Variants in PCDH15 observed in about 807,000 individuals in gnomAD.
PCDH15 encodes protocadherin related 15.
PCDH15 carries 129 observed loss-of-function variants against 178.5 expected under a neutral mutation model. The ratio of observed to expected loss-of-function variants is 0.72; its 90% CI spans 0.63 to 0.84. The LOEUF is 0.84. Among genes scored for constraint, PCDH15 ranks in the 40% least tolerant of loss-of-function variants. The pLI, the probability that PCDH15 is intolerant of heterozygous loss-of-function variation, is 0.00. For missense variants in PCDH15, 2,230 were observed against 2,099.9 expected, an observed-to-expected ratio of 1.06 and a Z score of -1.21; for synonymous variants, 800 against 732.0, an observed-to-expected ratio of 1.09 and a Z score of -1.50.
chr10:54,336,169 G>A (rs1005087107), intron 6 of PCDH15, among the ~76,000 whole-genome samples: 2 of 152,124 alleles, frequency 1.3e-5, no homozygotes, highest in African/African-American at 4.8e-5. Flanking sequence ...TGACTTCAGT[G>A]CCATTAAAAG....
chr10:54,691,591 T>C (rs2095120919), intron 1 of PCDH15, among the ~76,000 whole-genome samples: 1 of 151,288 alleles, frequency 6.6e-6, no homozygotes, highest in East Asian at 2.0e-4. Context: ...CTCTGGCTGC[T>C]GTACTCAGAG....
intron 1 of PCDH15, among the ~76,000 whole-genome samples, chr10:55,256,257 G>A (rs1384243907): frequency 6.6e-6 from 1 of 152,146 alleles, no homozygotes; most frequent in Non-Finnish European, 1.5e-5. Context: ...AGACAAGATG[G>A]CCGAATAGGA....
rs184342298 is a variant in PCDH15, at chr10:54,300,980, G to T, written c.876+16291C>A. On this transcript the variant is annotated intron_variant, in intron 8 of 37. Coordinates refer to ENST00000644397, the MANE Select transcript of PCDH15 (RefSeq NM_001384140.1). Reference sequence around the variant, plus strand: ...AAATCTTGCTGCTGCTCACTCTTTGGGTCTGTACCACCTTTAAGAGCTGTA... The same window carrying T: ...AAATCTTGCTGCTGCTCACTCTTTGTGTCTGTACCACCTTTAAGAGCTGTA... Among the ~76,000 whole-genome samples the T allele has an allele frequency of 1.7e-3, 253 of 152,134 alleles. 1 individual carries two copies. Among genetic ancestry groups the T allele is most frequent in the African/African-American group, 5.9e-3 (246 of 41,512 alleles).
At chr10:54,275,549 T>A (rs1385798955) in intron 8 of PCDH15, among the ~76,000 whole-genome samples, 1 of 151,840 alleles carries the variant, frequency 6.6e-6, no homozygotes, top group Non-Finnish European at 1.5e-5. Context: ...AATATTTAAA[T>A]TAGTCCATGA....
rs547188553 is a variant in PCDH15, at chr10:53,866,723, A to G, written c.3636T>C (p.Asn1212=). ...GLIKTAMLFH[N]MRRSYFKFQV... ...GAAACTTGAAGTAGGATCTCCTCAT[A>G]TTATGGAAGAGCATAGCAGTTTTGA... Residue 1212 remains asparagine (N), a synonymous_variant, in exon 27 of 38, where the codon AAT becomes AAC. Coordinates refer to ENST00000644397, the MANE Select transcript of PCDH15 (RefSeq NM_001384140.1). 2.5e-6 allele frequency: 4 copies of G among 1,613,688 alleles called. No individual in the cohort carries two copies. In the South Asian group the frequency reaches 4.4e-5, roughly 18 times the overall value.
At chr10:55,071,794 A>AT (rs1259825649) in intron 2 of PCDH15, among the ~76,000 whole-genome samples, 2 of 152,026 alleles carry the variant, frequency 1.3e-5, no homozygotes, top group East Asian at 1.9e-4. Flanking sequence ...GAGAATATAC[A>AT]TTTTTTTCAG....
chr10:55,395,643 G>A (rs1479028256), intron 2 of PCDH15, among the ~76,000 whole-genome samples: 1 of 151,968 alleles, frequency 6.6e-6, no homozygotes, highest in Non-Finnish European at 1.5e-5. Context: ...ATTTAGAATA[G>A]GAGCAACTTC....
chr10:53,952,251 A>T (rs1372009269), intron 23 of PCDH15, among the ~76,000 whole-genome samples: 1 of 152,168 alleles, frequency 6.6e-6, no homozygotes, highest in Non-Finnish European at 1.5e-5. Context: ...TTCTTGTCCC[A>T]CATCTAGGAA....
chr10:54,488,278 C>T (rs1478653254), intron 3 of PCDH15, among the ~76,000 whole-genome samples: 2 of 151,014 alleles, frequency 1.3e-5, no homozygotes, highest in African/African-American at 4.9e-5. Flanking sequence ...TATATTAAAC[C>T]CAAATTAATT....
intron 28 of PCDH15, among the ~76,000 whole-genome samples, chr10:53,856,617 ATGT>A (rs2078761592): frequency 6.6e-6 from 1 of 152,096 alleles, no homozygotes; most frequent in African/African-American, 2.4e-5. Context: ...CAATCCATGA[ATGT>A]TATGATTTCT....
chr10:54,393,082 T>G (rs909346211), intron 3 of PCDH15, among the ~76,000 whole-genome samples: 1 of 152,114 alleles, frequency 6.6e-6, no homozygotes, highest in African/African-American at 2.4e-5. Context: ...GAATTTAGAT[T>G]CAAGCACTTT....
chr10:55,105,174 G>A (rs1403768718), intron 2 of PCDH15, among the ~76,000 whole-genome samples: 1 of 152,124 alleles, frequency 6.6e-6, no homozygotes, highest in Non-Finnish European at 1.5e-5. Context: ...TAATAGATTT[G>A]TGCTTAATTT....
intron 3 of PCDH15, among the ~76,000 whole-genome samples, chr10:54,450,217 A>T (rs1028032258): frequency 6.7e-6 from 1 of 149,416 alleles, no homozygotes; most frequent in Non-Finnish European, 1.5e-5. Flanking sequence ...ATATGCATAC[A>T]TGTGCCATGT....
intron 2 of PCDH15, among the ~76,000 whole-genome samples, chr10:54,635,920 CAT>C (rs1246295665): frequency 6.6e-6 from 1 of 151,692 alleles, no homozygotes; most frequent in Non-Finnish European, 1.5e-5. Flanking sequence ...ATAATCCTGT[CAT>C]GTGTCTGCAA....
intron 2 of PCDH15, among the ~76,000 whole-genome samples, chr10:55,378,423 C>T (rs1402140403): frequency 6.6e-6 from 1 of 152,064 alleles, no homozygotes; most frequent in East Asian, 1.9e-4. Context: ...TATTCTCATA[C>T]TTGACTCAGC....
At chr10:54,114,946 G>T (rs912548302) in intron 15 of PCDH15, among the ~76,000 whole-genome samples, 3 of 152,088 alleles carry the variant, frequency 2.0e-5, no homozygotes, top group African/African-American at 7.2e-5. Flanking sequence ...GCCATGTCAG[G>T]AATTTAACAA....
intron 2 of PCDH15, among the ~76,000 whole-genome samples, chr10:54,997,456 A>AAAG (rs1839677099): frequency 6.6e-6 from 1 of 152,218 alleles, no homozygotes; most frequent in African/African-American, 2.4e-5. Context: ...AATTAAAATA[A>AAAG]AAGTTTCTTA....
chr10:53,846,869 ATGAGT>A (rs1308228710), intron 28 of PCDH15, among the ~76,000 whole-genome samples: 1 of 151,944 alleles, frequency 6.6e-6, no homozygotes, highest in Non-Finnish European at 1.5e-5. Context: ...GTCTGTGTGA[ATGAGT>A]TGAGTTAAAA....
intron 2 of PCDH15, among the ~76,000 whole-genome samples, chr10:55,394,151 C>T (rs1837867119): frequency 6.6e-6 from 1 of 151,914 alleles, no homozygotes; most frequent in Non-Finnish European, 1.5e-5. Flanking sequence ...CAACAAAGCC[C>T]TCTTTTCTAC....
Sources: gnomAD v4.1 joint callset for allele counts (sites outside exome capture counted in the v4.1 genomes callset) on GRCh38, gnomAD v4.1.1 for gene constraint, MANE v1.5 for transcripts, NCBI Gene and HGNC (gene_info 2026-07-23, HGNC 2026-07-21) for gene names.